ABCC5: variants seen among roughly 807,000 people sequenced by gnomAD.
ABCC5 encodes ATP binding cassette subfamily C member 5, also known as ATP-binding cassette sub-family C member 5.
In ABCC5, 61 loss-of-function variants were observed where a neutral mutation model predicts 160.9. That is an observed-to-expected ratio of 0.38 (90% CI 0.31 to 0.47). The LOEUF is 0.47. ABCC5 is among the 20% of genes least tolerant of loss of function. ABCC5 has a pLI of 0.99. For missense variants in ABCC5, 1,308 were observed against 1,813.3 expected (o/e 0.72, Z 5.06); for synonymous variants, 666 against 700.6 (o/e 0.95, Z 0.78).
intron 16 of ABCC5, 42 bp downstream of exon 16, chr3:183,961,469 C>T: frequency 6.2e-7 from 1 of 1,606,394 alleles, no homozygotes; most frequent in Non-Finnish European, 8.5e-7. Flanking sequence ...GTTTCCCTTG[C>T]AGAGACAGAA....
At chr3:183,948,556 T>C (rs1715056441) in intron 22 of ABCC5, among the ~76,000 whole-genome samples, 2 of 152,192 alleles carry the variant, frequency 1.3e-5, no homozygotes, top group African/African-American at 4.8e-5. Context: ...AGGCAACATA[T>C]ACACAGAATA....
Position 183,949,854 on chromosome 3 carries a change from C to G in ABCC5, c.3126G>C (p.Leu1042=). The change falls in exon 22 of 30, where the codon CTG becomes CTC. Residue 1042 remains leucine, a synonymous_variant. Coordinates refer to ENST00000334444, the MANE Select transcript of ABCC5 (RefSeq NM_005688.4). This position sits in a 1 kb window ranked among gnomAD's most constrained non-coding sequence, Gnocchi z 4.2. ...GGAAAGGTGACTGCGTGATATTGTCCAGACGCTTCAGCTCCCGAATCAGGA... is the reference window on the plus strand; with the variant it reads ...GGAAAGGTGACTGCGTGATATTGTCGAGACGCTTCAGCTCCCGAATCAGGA... ...SRVLIRELKR[L]DNITQSPFLS... The G allele has an allele frequency of 6.2e-7, 1 of 1,614,156 alleles. No individual in the cohort carries two copies. The highest frequency in any genetic ancestry group is 8.5e-7 in the Non-Finnish European group (1 of 1,180,032).
At chr3:184,010,353 T>A (rs1054920004) in intron 2 of ABCC5, 1 of 152,134 alleles carries the variant, frequency 6.6e-6, no homozygotes, top group African/African-American at 2.4e-5. Context: ...TTCCTGAAAT[T>A]TTATAAAAGT....
At chr3:183,931,533 C>A (rs1432056260) in intron 26 of ABCC5, among the ~76,000 whole-genome samples, 1 of 152,104 alleles carries the variant, frequency 6.6e-6, no homozygotes, top group Non-Finnish European at 1.5e-5. Context: ...AGGGTTTTGC[C>A]ATGTTGGCCA....
chr3:183,965,282 C>T, intron 13 of ABCC5, 25 bp from the exon 14 acceptor site: 2 of 1,614,200 alleles, frequency 1.2e-6, no homozygotes, highest in Non-Finnish European at 1.7e-6. Context: ...GAGACAGCGT[C>T]AGGGACACGG....
Position 183,963,467 on chromosome 3 carries a change from T to A in ABCC5, c.2153A>T (p.His718Leu). 6.2e-7 allele frequency: 1 copy of A among 1,614,262 alleles called. No homozygotes were observed. The highest frequency in any genetic ancestry group is 8.5e-7 in the Non-Finnish European group (1 of 1,180,052). Residue 718 changes from histidine to leucine, a missense_variant, in exon 15 of 30, where the codon CAT becomes CTT. His to Leu is a moderately conservative substitution (Grantham distance 99, BLOSUM62 -3). This residue lies in a region of ABCC5 where 1,142 missense variants were observed against 1,527.1 expected (regional missense o/e 0.75). Coordinates refer to ENST00000334444, the MANE Select transcript of ABCC5 (RefSeq NM_005688.4). The surrounding 1 kb of genome is among the most constrained non-coding windows in gnomAD (Gnocchi z 4.6). ...ACTATTGAAGATGTGGTTGCCCACA[T>A]GGGCATCTAAGGCACTGAGGGGGTC... is the stretch of plus-strand genomic sequence containing the variant. The part of the protein sequence containing the change: ...LDDPLSALDA[H>L]VGNHIFNSAI...
intron 2 of ABCC5, among the ~76,000 whole-genome samples, chr3:183,997,080 C>A (rs1720345100): frequency 6.6e-6 from 1 of 151,784 alleles, no homozygotes; most frequent in Non-Finnish European, 1.5e-5. Context: ...CAGCTGTTGG[C>A]AAGAACTTTC....
Position 183,965,386 on chromosome 3 carries a change from T to C in ABCC5, c.1949A>G (p.Asp650Gly), listed in dbSNP as rs1339802955. 1.9e-5 allele frequency: 30 copies of C among 1,613,996 alleles called. No homozygotes were observed. The highest frequency in any genetic ancestry group is 2.5e-5 in the Non-Finnish European group (29 of 1,180,038). The stretch of plus-strand genomic sequence containing the variant: ...GCCAAACATTCCTTGCCTTTCTTCA[T>C]CATATTCCTTCCCAAACAGGATGTT... ...RDNILFGKEYDEERYNSVLNS... is the reference protein window; with the variant it reads ...RDNILFGKEYGEERYNSVLNS... Residue 650 changes from aspartate to glycine, a missense_variant, in exon 13 of 30, where the codon GAT becomes GGT. By Grantham distance (94) the Asp-to-Gly change is moderately conservative. Coordinates refer to ENST00000334444, the MANE Select transcript of ABCC5 (RefSeq NM_005688.4).
chr3:183,949,846 A>G lies in ABCC5; in HGVS notation c.3134T>C (p.Ile1045Thr), dbSNP rs185429295. ...LIRELKRLDN[I>T]TQSPFLSHIT... ...GTGGGAGAGGAAAGGTGACTGCGTG[A>G]TATTGTCCAGACGCTTCAGCTCCCG... Residue 1045 changes from isoleucine (I) to threonine (T), a missense_variant, in exon 22 of 30, where the codon ATC becomes ACC. This residue lies in a region of ABCC5 where 1,142 missense variants were observed against 1,527.1 expected (regional missense o/e 0.75). Coordinates refer to ENST00000334444, the MANE Select transcript of ABCC5 (RefSeq NM_005688.4). The surrounding 1 kb of genome is among the most constrained non-coding windows in gnomAD (Gnocchi z 4.2). 11 of 1,614,184 alleles carry G rather than the reference A, an allele frequency of 6.8e-6. No homozygotes were observed. The highest frequency in any genetic ancestry group is 8.5e-6 in the Non-Finnish European group (10 of 1,180,032).
rs773692174 is a variant in ABCC5 at position 183,950,464 on chromosome 3, G to GTT, written c.2945-340_2945-339insAA. ...AAACTATATTCTTACCAATACCAAT[G>GTT]AACTGCTGTTAACATTTAAGACATT... On this transcript the variant is annotated intron_variant, in intron 20 of 29. Transcript: ENST00000334444. Among the ~76,000 whole-genome samples the GTT allele has an allele frequency of 2.6e-4, 40 of 152,118 alleles. 5 individuals carry two copies. The highest frequency in any genetic ancestry group is 2.2e-3 in the Admixed American group (33 of 15,282).
chr3:184,014,450 G>A lies in ABCC5; in HGVS notation c.-55-3C>T. 1.4e-6 allele frequency: 2 copies of A among 1,481,054 alleles called. No homozygotes were observed. The highest frequency in any genetic ancestry group is 1.8e-6 in the Non-Finnish European group (2 of 1,111,050). The allele number at this position is 1,481,054 out of a possible 1,614,324, so 91.7% of individuals were successfully genotyped here. On this transcript the variant is annotated splice_polypyrimidine_tract_variant and splice_region_variant and intron_variant, in intron 1 of 29. Coordinates refer to ENST00000334444, the MANE Select transcript of ABCC5 (RefSeq NM_005688.4). ...CTGTTAGTTTCACATCAGAATTCCTGAAATTAAAAATTCATCAAGAAATAG... is the reference window on the plus strand; with the variant it reads ...CTGTTAGTTTCACATCAGAATTCCTAAAATTAAAAATTCATCAAGAAATAG...
rs112867202 is a variant in ABCC5, at chr3:183,954,760, C to G, written c.2483-1490G>C. The stretch of plus-strand genomic sequence containing the variant: ...ATCAATTTAGGAGTTAATTTTGCCA[C>G]GGTTAAGAATCATGACCAGTGACGC... On this transcript the variant is annotated intron_variant, in intron 17 of 29. Transcript: ENST00000334444. Among the ~76,000 whole-genome samples the G allele has an allele frequency of 7.4e-3, 1,131 of 152,172 alleles. 10 individuals carry two copies. Among genetic ancestry groups the G allele is most frequent in the Non-Finnish European group, 7.4e-3 (500 of 68,014 alleles).
At position 183,937,885 on chromosome 3, in the gene ABCC5, G is replaced by A. The variant is rs1713901631; in HGVS notation, c.3854+16C>T. ...TCTAAGTGACGCACGAGACATGCAG[G>A]TGCTCAGGTCCTCACCTGACAGTGC... On this transcript the variant is annotated intron_variant, in intron 26 of 29. Transcript: ENST00000334444. The A allele has an allele frequency of 2.5e-6, 4 of 1,613,214 alleles. No homozygotes were observed. The highest frequency in any genetic ancestry group is 1.7e-5 in the Admixed American group (1 of 59,966).
intron 2 of ABCC5, among the ~76,000 whole-genome samples, chr3:183,992,721 G>A (rs1038412581): frequency 4.6e-5 from 7 of 151,978 alleles, no homozygotes; most frequent in South Asian, 4.1e-4. Flanking sequence ...CCTGGGAGGC[G>A]GAGCTTGCAG....
intron 5 of ABCC5, 53 bp from the exon 6 acceptor site, chr3:183,983,060 A>C: frequency 1.4e-6 from 2 of 1,460,814 alleles, no homozygotes; most frequent in South Asian, 2.3e-5. Flanking sequence ...CTCACACACA[A>C]TGCCATAGTT....
chr3:184,013,395 A>G (rs904285842), intron 2 of ABCC5, among the ~76,000 whole-genome samples: 3 of 152,044 alleles, frequency 2.0e-5, no homozygotes, highest in Non-Finnish European at 2.9e-5. Context: ...CTGGGAGTAC[A>G]GGTGCCCACC....
intron 2 of ABCC5, among the ~76,000 whole-genome samples, chr3:183,990,580 A>G (rs187004622): frequency 5.3e-5 from 8 of 152,290 alleles, no homozygotes; most frequent in Non-Finnish European, 1.0e-4. Flanking sequence ...GCCCTGCCAC[A>G]CAGAAAGAGC....
Position 183,981,727 on chromosome 3 carries a change from T to C in ABCC5, c.1147A>G (p.Lys383Glu), listed in dbSNP as rs1254368582. The change falls in exon 8 of 30, where the codon AAA (lysine) becomes GAA (glutamate). Residue 383 changes from lysine (K) to glutamate (E), a missense_variant and splice_region_variant. Coordinates refer to ENST00000334444, the MANE Select transcript of ABCC5 (RefSeq NM_005688.4). ...GCACATACAAAATCTTTAAACTCACTTTGAACACTCTGAGAAAATGCTTTG... is the reference window on the plus strand; with the variant it reads ...GCACATACAAAATCTTTAAACTCACCTTGAACACTCTGAGAAAATGCTTTG... The part of the protein sequence containing the change: ...WVKAFSQSVQ[K>E]IREEERRILE... 6.2e-7 allele frequency: 1 copy of C among 1,610,474 alleles called. No homozygotes were observed. Among genetic ancestry groups the C allele is most frequent in the Non-Finnish European group, 8.5e-7 (1 of 1,179,230 alleles).
Position 183,987,348 on chromosome 3 carries a change from G to T in ABCC5, c.591+422C>A. On this transcript the variant is annotated intron_variant, in intron 5 of 29. Transcript: ENST00000334444. This position sits in a 1 kb window ranked among gnomAD's most constrained non-coding sequence, Gnocchi z 4.2. ...GTTTTCTCAGGGCTTATTTGCCACAGACCTGCCAAACATGTGATAACTGCC... is the reference window on the plus strand; with the variant it reads ...GTTTTCTCAGGGCTTATTTGCCACATACCTGCCAAACATGTGATAACTGCC... 2.6e-6 allele frequency: 1 copy of T among 388,432 alleles called. No individual in the cohort carries two copies. Among genetic ancestry groups the T allele is most frequent in the Non-Finnish European group, 4.7e-6 (1 of 214,142 alleles). 24.1% of individuals were successfully genotyped at this position (388,432 alleles called of 1,614,324 possible).
Sources: allele counts gnomAD v4.1 joint callset (sites outside exome capture counted in the v4.1 genomes callset), GRCh38; gene constraint gnomAD v4.1.1; regional missense constraint gnomAD v4.1.1; non-coding constraint Gnocchi (gnomAD v3.1); transcripts MANE v1.5; gene names NCBI Gene and HGNC (gene_info 2026-07-23, HGNC 2026-07-21).